PIGK: variants seen among roughly 807,000 people sequenced by gnomAD.
The protein encoded by PIGK is phosphatidylinositol glycan anchor biosynthesis class K.
PIGK carries 42 observed loss-of-function variants against 50.6 expected under a neutral mutation model. The observed-to-expected ratio is 0.83, with a 90% CI of 0.65 to 1.07. The LOEUF is 1.07. Among genes scored for constraint, PIGK ranks in the 50% least tolerant of loss-of-function variants. The pLI is 0.00. For missense variants in PIGK, 448 were observed against 488.7 expected (o/e 0.92, Z 0.78); for synonymous variants, 151 against 156.0 (o/e 0.97, Z 0.24).
chr1:77,198,519 A>T (rs1324862738), intron 3 of PIGK, among the ~76,000 whole-genome samples: 1 of 152,002 alleles, frequency 6.6e-6, no homozygotes, highest in Non-Finnish European at 1.5e-5. Context: ...TATCAAAAAT[A>T]AAAATTTATA....
intron 9 of PIGK, chr1:77,129,782 C>T (rs1168483390): frequency 5.6e-6 from 3 of 538,272 alleles, no homozygotes; most frequent in Non-Finnish European, 8.6e-6. Context: ...CCAACCTATA[C>T]ATTAGAATAA....
At chr1:77,194,515 C>T (rs1269821629) in intron 3 of PIGK, among the ~76,000 whole-genome samples, 1 of 151,936 alleles carries the variant, frequency 6.6e-6, no homozygotes, top group Non-Finnish European at 1.5e-5. Flanking sequence ...AGGCTATTAT[C>T]CTAAGTGAAT....
rs1408966326 is a variant in PIGK, at chr1:77,195,082, A to G, written c.239+11558T>C. 3.0e-6 allele frequency: 3 copies of G among 1,009,888 alleles called. No homozygotes were observed. In the South Asian group the frequency reaches 3.8e-5, roughly 13 times the overall value. The allele number at this position is 1,009,888 out of a possible 1,614,324, so 62.6% of individuals were successfully genotyped here. On this transcript the variant is annotated intron_variant, in intron 3 of 10. Transcript: ENST00000370812. ...TGTGCACACTGCCCATAGCAGGAACAACCCAGACTGGTGAGGTGTGGTCAT... is the reference window on the plus strand; with the variant it reads ...TGTGCACACTGCCCATAGCAGGAACGACCCAGACTGGTGAGGTGTGGTCAT...
intron 9 of PIGK, among the ~76,000 whole-genome samples, chr1:77,130,059 C>T (rs548926393): frequency 1.9e-4 from 29 of 151,324 alleles, no homozygotes; most frequent in African/African-American, 6.8e-4. Flanking sequence ...CTTTTTTCTT[C>T]TATTTGGTTT....
intron 9 of PIGK, among the ~76,000 whole-genome samples, chr1:77,124,910 T>A (rs1364858289): frequency 6.6e-6 from 1 of 152,204 alleles, no homozygotes; most frequent in Non-Finnish European, 1.5e-5. Context: ...TCTACTGTGG[T>A]CAATGGTGGG....
At chr1:77,200,513 G>T (rs1656137288) in intron 3 of PIGK, among the ~76,000 whole-genome samples, 1 of 151,904 alleles carries the variant, frequency 6.6e-6, no homozygotes, top group Non-Finnish European at 1.5e-5. Flanking sequence ...TCTATAGACT[G>T]TCATAAGAAT....
intron 9 of PIGK, among the ~76,000 whole-genome samples, chr1:77,142,052 G>A (rs1654660853): frequency 6.6e-6 from 1 of 152,040 alleles, no homozygotes; most frequent in Non-Finnish European, 1.5e-5. Context: ...AGACTAATAG[G>A]CTATAATACT....
chr1:77,138,347 G>A (rs574152505), intron 9 of PIGK, among the ~76,000 whole-genome samples: 1 of 152,316 alleles, frequency 6.6e-6, no homozygotes, highest in Admixed American at 6.5e-5. Flanking sequence ...GCCATACTGT[G>A]AACTGCCTTT....
intron 9 of PIGK, chr1:77,154,036 C>CTG (rs1654952313): frequency 5.2e-6 from 1 of 194,040 alleles, no homozygotes; most frequent in Non-Finnish European, 1.0e-5. Context: ...TTACAAATGT[C>CTG]TGTACTCACT....
intron 9 of PIGK, among the ~76,000 whole-genome samples, chr1:77,142,595 G>A (rs1404825311): frequency 1.3e-5 from 2 of 152,142 alleles, no homozygotes; most frequent in South Asian, 2.1e-4. Flanking sequence ...TGGCTGGGGA[G>A]GCCTTAGGAA....
intron 10 of PIGK, among the ~76,000 whole-genome samples, chr1:77,117,549 G>A (rs554671490): frequency 6.6e-6 from 1 of 152,282 alleles, no homozygotes; most frequent in Non-Finnish European, 1.5e-5. Context: ...ACAAGAGGGT[G>A]TTTCTCTTTG....
intron 10 of PIGK, among the ~76,000 whole-genome samples, chr1:77,102,058 G>T (rs1653556999): frequency 6.6e-6 from 1 of 152,182 alleles, no homozygotes; most frequent in Non-Finnish European, 1.5e-5. Flanking sequence ...CAATGGAGGA[G>T]ATTAAAAGAC....
intron 4 of PIGK, among the ~76,000 whole-genome samples, chr1:77,167,731 C>G (rs1217864640): frequency 6.6e-6 from 1 of 152,202 alleles, no homozygotes; most frequent in Non-Finnish European, 1.5e-5. Flanking sequence ...GGTGACAGAG[C>G]AAGACTCCAG....
chr1:77,169,402 A>C lies in PIGK; in HGVS notation c.240-7T>G, dbSNP rs529938528. On this transcript the variant is annotated splice_polypyrimidine_tract_variant and splice_region_variant and intron_variant, in intron 3 of 10. Transcript: ENST00000370812. ...AAGCATTAGGACAATGTGACTAGGGAAAAAAAATCCAGTAAATATATAATT... is the reference window on the plus strand; with the variant it reads ...AAGCATTAGGACAATGTGACTAGGGCAAAAAAATCCAGTAAATATATAATT... The C allele has an allele frequency of 1.9e-6, 3 of 1,569,636 alleles. No homozygotes were observed. The highest frequency in any genetic ancestry group is 2.6e-6 in the Non-Finnish European group (3 of 1,160,382).
chr1:77,181,151 A>T (rs1308937291), intron 3 of PIGK, among the ~76,000 whole-genome samples: 2 of 152,164 alleles, frequency 1.3e-5, no homozygotes, highest in African/African-American at 2.4e-5. Flanking sequence ...AACATATATG[A>T]AGGGAAAAAT....
chr1:77,160,575 A>G (rs542627108), intron 8 of PIGK, among the ~76,000 whole-genome samples: 2 of 152,358 alleles, frequency 1.3e-5, no homozygotes, highest in South Asian at 4.1e-4. Flanking sequence ...AACACTCAAG[A>G]AACATTTATG....
chr1:77,184,838 G>A (rs1050310574), intron 3 of PIGK, among the ~76,000 whole-genome samples: 1 of 152,176 alleles, frequency 6.6e-6, no homozygotes, highest in Admixed American at 6.5e-5. Flanking sequence ...CATTAGAGCT[G>A]CCTCTACCTA....
In PIGK at chr1:77,169,303, T is replaced by C. The variant is rs1389890005; in HGVS notation, c.332A>G (p.Asn111Ser). ...TVFSHKNMEL[N>S]VYGDDVEVDY... is the part of the protein sequence containing the mutation. ...CACTTCCACATCATCTCCATACACA[T>C]TTAGTTCCATATTCTTGTGACTAAA... Residue 111 changes from asparagine to serine, a missense_variant, in exon 4 of 11, where the codon AAT becomes AGT. By Grantham distance (46) the Asn-to-Ser change is conservative (BLOSUM62 1). Coordinates refer to ENST00000370812, the MANE Select transcript of PIGK (RefSeq NM_005482.3). 1 of 1,597,656 alleles carries C rather than the reference T, an allele frequency of 6.3e-7. No homozygotes were observed. Among genetic ancestry groups the C allele is most frequent in the Non-Finnish European group, 8.6e-7 (1 of 1,169,206 alleles).
At chr1:77,165,432 A>T (rs866036955) in intron 5 of PIGK, among the ~76,000 whole-genome samples, 4 of 152,094 alleles carry the variant, frequency 2.6e-5, no homozygotes, top group Admixed American at 1.3e-4. Flanking sequence ...AACACGATAG[A>T]GAAAAGCCAC....
Sources: gnomAD v4.1 joint callset for allele counts (sites outside exome capture counted in the v4.1 genomes callset) on GRCh38, gnomAD v4.1.1 for gene constraint, MANE v1.5 for transcripts, NCBI Gene and HGNC (gene_info 2026-07-23, HGNC 2026-07-21) for gene names.